CSMD3: variants seen among roughly 807,000 people sequenced by gnomAD.
CSMD3 encodes CUB and sushi domain-containing protein 3.
CSMD3 carries 177 observed loss-of-function variants against 435.2 expected under a neutral mutation model. That is an observed-to-expected ratio of 0.41 (90% confidence interval 0.36 to 0.46). CSMD3 has a LOEUF of 0.46. Among genes scored for constraint, CSMD3 ranks in the 20% least tolerant of loss-of-function variants. The probability of loss-of-function intolerance (pLI) is 0.34; values close to 1 mark genes in which losing one functional copy is unlikely to be tolerated. For missense variants in CSMD3, 4,265 were observed against 4,504.6 expected (o/e 0.95, Z 1.52); for synonymous variants, 1,656 against 1,520.5 (o/e 1.09, Z -2.07).
chr8:112,999,626 A>G (rs2085787360), intron 6 of CSMD3, among the ~76,000 whole-genome samples: 2 of 151,624 alleles, frequency 1.3e-5, no homozygotes, highest in Non-Finnish European at 2.9e-5. Context: ...GCCAAGAATG[A>G]GAGCAGATAG....
intron 11 of CSMD3, among the ~76,000 whole-genome samples, chr8:112,833,342 T>A (rs1201409399): frequency 2.0e-5 from 3 of 151,986 alleles, no homozygotes; most frequent in African/African-American, 7.2e-5. Flanking sequence ...ATTTTTTTAG[T>A]ATATTACTTC....
intron 19 of CSMD3, among the ~76,000 whole-genome samples, chr8:112,645,430 C>T (rs771116344): frequency 1.3e-5 from 2 of 152,154 alleles, no homozygotes; most frequent in Non-Finnish European, 2.9e-5. Flanking sequence ...GAGAACATGG[C>T]TCAACTTTCC....
intron 3 of CSMD3, among the ~76,000 whole-genome samples, chr8:113,221,404 C>A (rs1317856006): frequency 6.7e-6 from 1 of 148,272 alleles, no homozygotes; most frequent in Non-Finnish European, 1.5e-5. Context: ...GAGGCCAGGA[C>A]AAATAAAGCA....
intron 58 of CSMD3, 79 bp downstream of exon 58, chr8:112,286,985 T>C: frequency 8.7e-7 from 1 of 1,143,972 alleles, no homozygotes; most frequent in Non-Finnish European, 1.3e-6. Flanking sequence ...AGAGTAATTT[T>C]CCTAGTAGTA....
At chr8:113,111,074 TG>T (rs2090624313) in intron 4 of CSMD3, among the ~76,000 whole-genome samples, 1 of 152,154 alleles carries the variant, frequency 6.6e-6, no homozygotes, top group East Asian at 1.9e-4. Flanking sequence ...ATCATCACTA[TG>T]GAGAGAGGAT....
chr8:112,572,168 C>T (rs184558469), intron 24 of CSMD3, among the ~76,000 whole-genome samples: 6 of 152,132 alleles, frequency 3.9e-5, no homozygotes, highest in African/African-American at 1.4e-4. Flanking sequence ...AATATCATTA[C>T]TTTTAGTCCA....
At chr8:112,389,650 C>A (rs1830252219) in intron 36 of CSMD3, among the ~76,000 whole-genome samples, 1 of 152,132 alleles carries the variant, frequency 6.6e-6, no homozygotes, top group African/African-American at 2.4e-5. Flanking sequence ...ATGCTTCAAT[C>A]TAATTTCATT....
intron 1 of CSMD3, among the ~76,000 whole-genome samples, chr8:113,370,382 A>C (rs906617086): frequency 6.6e-6 from 1 of 151,482 alleles, no homozygotes; most frequent in African/African-American, 2.4e-5. Context: ...AAAAGATAGA[A>C]TCTAAATGAC....
At chr8:113,333,141 C>A (rs2094041195) in intron 1 of CSMD3, among the ~76,000 whole-genome samples, 2 of 151,600 alleles carry the variant, frequency 1.3e-5, no homozygotes, top group African/African-American at 2.4e-5. Flanking sequence ...AATTTTTTAA[C>A]TGCTAAATTT....
intron 1 of CSMD3, among the ~76,000 whole-genome samples, chr8:113,420,677 G>A (rs2094604935): frequency 6.6e-6 from 1 of 152,092 alleles, no homozygotes; most frequent in Non-Finnish European, 1.5e-5. Context: ...GCCAGGCGGG[G>A]TGGCTCATGC....
chr8:112,910,304 C>G (rs1028651992), intron 10 of CSMD3, among the ~76,000 whole-genome samples: 1 of 151,678 alleles, frequency 6.6e-6, no homozygotes, highest in Non-Finnish European at 1.5e-5. Context: ...GGTGACTTCC[C>G]TGACCTCCCT....
chr8:112,831,362 T>C (rs1283342488), intron 11 of CSMD3, among the ~76,000 whole-genome samples: 1 of 151,362 alleles, frequency 6.6e-6, no homozygotes, highest in Admixed American at 6.6e-5. Flanking sequence ...AACATGGTCA[T>C]GAGCAGTATT....
chr8:112,554,430 A>G (rs1827943644), intron 25 of CSMD3, among the ~76,000 whole-genome samples: 1 of 152,018 alleles, frequency 6.6e-6, no homozygotes, highest in Non-Finnish European at 1.5e-5. Context: ...TTCTAACAAA[A>G]ATTCTTTTGG....
chr8:113,133,484 T>C (rs990988200), intron 4 of CSMD3, among the ~76,000 whole-genome samples: 2 of 152,124 alleles, frequency 1.3e-5, no homozygotes, highest in Non-Finnish European at 1.5e-5. Flanking sequence ...TCGGTGAGAT[T>C]GTAAAATGAT....
intron 1 of CSMD3, among the ~76,000 whole-genome samples, chr8:113,337,496 C>A (rs550225353): frequency 2.0e-5 from 3 of 151,956 alleles, no homozygotes; most frequent in Non-Finnish European, 2.9e-5. Context: ...TCAAAAAGGA[C>A]AACAGAACAA....
rs181866479 is a variant in CSMD3 at position 112,452,719 on chromosome 8, A to G, written c.5395+19872T>C. ...ACATCACTCATCTGTTGCTTATTTA[A>G]ATAATGCATTTTTTCTTTAATTACT... On this transcript the variant is annotated intron_variant, in intron 32 of 70. Transcript: ENST00000297405. Among the ~76,000 whole-genome samples, 5 of 152,264 alleles carry G rather than the reference A, an allele frequency of 3.3e-5. No homozygotes were observed. In the East Asian group the frequency reaches 9.6e-4, roughly 29 times the overall value.
chr8:112,382,311 A>T (rs1829541569), intron 37 of CSMD3, among the ~76,000 whole-genome samples: 1 of 151,192 alleles, frequency 6.6e-6, no homozygotes, highest in Non-Finnish European at 1.5e-5. Context: ...AAAAAAATTA[A>T]TAATACTACT....
At chr8:113,217,833 A>G (rs1190897513) in intron 3 of CSMD3, among the ~76,000 whole-genome samples, 2 of 151,402 alleles carry the variant, frequency 1.3e-5, no homozygotes, top group Non-Finnish European at 3.0e-5. Context: ...AAATTTGTTT[A>G]AAATAATCAA....
At chr8:113,074,485 T>C (rs2089260326) in intron 5 of CSMD3, among the ~76,000 whole-genome samples, 1 of 151,900 alleles carries the variant, frequency 6.6e-6, no homozygotes, top group African/African-American at 2.4e-5. Context: ...AAATAGTATG[T>C]CATTTGCAGA....
Sources: gnomAD v4.1 joint callset for allele counts (sites outside exome capture counted in the v4.1 genomes callset) on GRCh38, gnomAD v4.1.1 for gene constraint, MANE v1.5 for transcripts, NCBI Gene and HGNC (gene_info 2026-07-23, HGNC 2026-07-21) for gene names.